PRKDC: variants seen among roughly 807,000 people sequenced by gnomAD.
PRKDC encodes DNA-dependent protein kinase catalytic subunit.
A neutral mutation model predicts 486.9 loss-of-function variants in PRKDC; 82 were observed. That is an observed-to-expected ratio of 0.17 (90% CI 0.14 to 0.20). PRKDC has a LOEUF of 0.20. PRKDC is among the 10% of genes least tolerant of loss of function. The pLI, the probability that PRKDC is intolerant of heterozygous loss-of-function variation, is 1.00. For synonymous variants in PRKDC, 1,895 were observed against 1,837.0 expected, an observed-to-expected ratio of 1.03 and a Z score of -0.81; for missense variants, 4,504 against 5,038.2, an observed-to-expected ratio of 0.89 and a Z score of 3.21.
At chr8:47,889,387 C>G (rs8178096) in intron 32 of PRKDC, among the ~76,000 whole-genome samples, 165 bp from the exon 33 acceptor site, 4 of 152,342 alleles carry the variant, frequency 2.6e-5, no homozygotes, top group Admixed American at 6.5e-5. Context: ...GTGGGCTAGA[C>G]AGTCTCTGCT....
At chr8:47,882,203 T>G in intron 36 of PRKDC, 106 bp from the exon 37 acceptor site, 1 of 1,052,290 alleles carries the variant, frequency 9.5e-7, no homozygotes, top group African/African-American at 1.6e-5. Flanking sequence ...AAATAAGCTA[T>G]TTCTATAATA....
chr8:47,926,899 G>C (rs1422143724), intron 21 of PRKDC: 1 of 226,150 alleles, frequency 4.4e-6, no homozygotes, highest in Non-Finnish European at 8.5e-6. Flanking sequence ...TTGCAAAGCA[G>C]TGTATTAGGA....
chr8:47,951,823 T>C (rs1056730914), intron 7 of PRKDC, among the ~76,000 whole-genome samples: 1 of 152,176 alleles, frequency 6.6e-6, no homozygotes, highest in Non-Finnish European at 1.5e-5. Flanking sequence ...CAGACATTTC[T>C]CTAAAGGCAC....
At position 47,933,138 on chromosome 8, in the gene PRKDC, A is replaced by C. The variant is rs773858633; in HGVS notation, c.1658T>G (p.Val553Gly). The stretch of plus-strand genomic sequence containing the variant: ...ATTCAGACTTTCACTGGAGGAATTC[A>C]CAGAGAAAAATGCTTCATCTGCTAA... ...SILADEAFFSVNSSSESLNHL... is the reference protein window; with the variant it reads ...SILADEAFFSGNSSSESLNHL... The change falls in exon 16 of 86, where the codon GTG (valine) becomes GGG (glycine). Residue 553 changes from valine (V) to glycine (G), a missense_variant. This residue lies in a region of PRKDC where 1,969 missense variants were observed against 2,068.9 expected (regional missense o/e 0.95). Transcript: ENST00000314191. 6 of 1,550,488 alleles carry C rather than the reference A, an allele frequency of 3.9e-6. No individual in the cohort carries two copies. Among genetic ancestry groups the C allele is most frequent in the South Asian group, 3.8e-5 (3 of 79,542 alleles).
At chr8:47,848,474 G>C (rs1351532027) in intron 54 of PRKDC, among the ~76,000 whole-genome samples, 1 of 152,076 alleles carries the variant, frequency 6.6e-6, no homozygotes, top group Non-Finnish European at 1.5e-5. Flanking sequence ...AGACACTGGG[G>C]AACAGAAGAA....
intron 7 of PRKDC, among the ~76,000 whole-genome samples, chr8:47,949,019 T>C (rs2090583654): frequency 6.6e-6 from 1 of 152,256 alleles, no homozygotes; most frequent in Non-Finnish European, 1.5e-5. Context: ...GAGCTAAATT[T>C]AAGGCATCAG....
chr8:47,883,290 T>C (rs2089261500), intron 36 of PRKDC, among the ~76,000 whole-genome samples: 1 of 152,248 alleles, frequency 6.6e-6, no homozygotes, highest in Non-Finnish European at 1.5e-5. Context: ...GTCATTCAAT[T>C]TCTAGATCCT....
At chr8:47,830,876 CG>C in intron 60 of PRKDC, 140 bp from the exon 61 acceptor site, 1 of 963,506 alleles carries the variant, frequency 1.0e-6, no homozygotes, top group East Asian at 2.5e-5. Flanking sequence ...GCTCAGTCGC[CG>C]TACTTTACCG....
At chr8:47,850,464 C>A (rs1427276994) in intron 52 of PRKDC, among the ~76,000 whole-genome samples, 1 of 152,004 alleles carries the variant, frequency 6.6e-6, no homozygotes, top group Non-Finnish European at 1.5e-5. Flanking sequence ...TATTGCAAAA[C>A]CAGAAAATGG....
At chr8:47,932,271 G>A (rs2090270601) in intron 16 of PRKDC, among the ~76,000 whole-genome samples, 3 of 152,296 alleles carry the variant, frequency 2.0e-5, no homozygotes, top group East Asian at 3.9e-4. Context: ...TTTTAGTAGA[G>A]ACGAGGTTTC....
intron 32 of PRKDC, among the ~76,000 whole-genome samples, chr8:47,889,659 C>T (rs992816857): frequency 1.3e-5 from 2 of 152,156 alleles, no homozygotes; most frequent in African/African-American, 2.4e-5. Flanking sequence ...TAAATATTTG[C>T]GAGTGTGTGT....
At chr8:47,831,492 C>A (rs1259776902) in intron 60 of PRKDC, among the ~76,000 whole-genome samples, 1 of 152,176 alleles carries the variant, frequency 6.6e-6, no homozygotes, top group Non-Finnish European at 1.5e-5. Flanking sequence ...GCTGCCCTCC[C>A]GCCGCATTGG....
intron 48 of PRKDC, among the ~76,000 whole-genome samples, chr8:47,858,232 A>G (rs2088589904): frequency 6.7e-6 from 1 of 148,710 alleles, no homozygotes; most frequent in Admixed American, 6.7e-5. Flanking sequence ...GAACGTTGGC[A>G]GCCGTAAGAA....
At chr8:47,871,970 C>G (rs1563777411) in intron 40 of PRKDC, among the ~76,000 whole-genome samples, 1 of 152,038 alleles carries the variant, frequency 6.6e-6, no homozygotes, top group South Asian at 2.1e-4. Flanking sequence ...CTAATAAGTA[C>G]AAAGAAAACC....
chr8:47,938,914 T>A (rs2090396152), intron 11 of PRKDC, among the ~76,000 whole-genome samples: 1 of 152,190 alleles, frequency 6.6e-6, no homozygotes, highest in Non-Finnish European at 1.5e-5. Flanking sequence ...ACTTTTTTTT[T>A]AACTTCTCTT....
chr8:47,877,902 C>T (rs2089123469), intron 39 of PRKDC, 51 bp from the exon 40 acceptor site: 1 of 1,325,724 alleles, frequency 7.5e-7, no homozygotes, highest in South Asian at 2.2e-5. Flanking sequence ...TTTACTTTTG[C>T]TTCAATAGTT....
chr8:47,859,822 T>C, intron 45 of PRKDC, 63 bp from the exon 46 acceptor site: 1 of 1,438,372 alleles, frequency 7.0e-7, no homozygotes, highest in Non-Finnish European at 9.5e-7. Context: ...AATGTATTTC[T>C]CTAAATTCAA....
intron 14 of PRKDC, 51 bp from the exon 15 acceptor site, chr8:47,934,141 G>A: frequency 1.3e-6 from 2 of 1,537,692 alleles, no homozygotes; most frequent in Non-Finnish European, 1.8e-6. Flanking sequence ...CTCAGAAGCA[G>A]CACTGCTGCC....
chr8:47,789,068 A>G lies in PRKDC; in HGVS notation c.10759-19T>C. The G allele has an allele frequency of 1.9e-6, 3 of 1,611,724 alleles. No individual in the cohort carries two copies. Among genetic ancestry groups the G allele is most frequent in the Non-Finnish European group, 2.5e-6 (3 of 1,179,204 alleles). ...TCCAATCCTGTCAGGGGAAAAAAAA[A>G]GTAAGAAAAAAATCAAGCTAGATTG... is the stretch of plus-strand genomic sequence containing the variant. On this transcript the variant is annotated intron_variant, in intron 75 of 85. Transcript: ENST00000314191.
Sources: allele counts gnomAD v4.1 joint callset (sites outside exome capture counted in the v4.1 genomes callset), GRCh38; gene constraint gnomAD v4.1.1; regional missense constraint gnomAD v4.1.1; transcripts MANE v1.5; gene names NCBI Gene and HGNC (gene_info 2026-07-23, HGNC 2026-07-21).